COL9A1: variants seen among roughly 807,000 people sequenced by gnomAD.
COL9A1 encodes collagen type IX alpha 1 chain.
In COL9A1, 104 loss-of-function variants were observed where a neutral mutation model predicts 142.6. The ratio of observed to expected loss-of-function variants is 0.73; its 90% CI spans 0.62 to 0.86. The LOEUF is 0.86. COL9A1 is among the 40% of genes least tolerant of loss of function. COL9A1 has a pLI of 0.00. For synonymous variants in COL9A1, 466 were observed against 396.0 expected, an observed-to-expected ratio of 1.18 and a Z score of -2.10; for missense variants, 1,210 against 1,176.6, an observed-to-expected ratio of 1.03 and a Z score of -0.42.
chr6:70,287,271 A>AT (rs912606623), intron 5 of COL9A1, among the ~76,000 whole-genome samples: 2 of 151,160 alleles, frequency 1.3e-5, no homozygotes, highest in Non-Finnish European at 3.0e-5. Flanking sequence ...TAGACATCCG[A>AT]TTTTTTTTTC....
chr6:70,240,649 T>C, intron 32 of COL9A1, 40 bp downstream of exon 32: 1 of 1,505,338 alleles, frequency 6.6e-7, no homozygotes. Flanking sequence ...AGTTCAAAAT[T>C]GGTAAAGCTT....
intron 35 of COL9A1, 26 bp from the exon 36 acceptor site, chr6:70,232,797 C>A (rs755614368): frequency 5.7e-6 from 9 of 1,584,228 alleles, no homozygotes; most frequent in African/African-American, 2.7e-5. Flanking sequence ...CAAAACAACC[C>A]AGAAGTGTCA....
intron 37 of COL9A1, among the ~76,000 whole-genome samples, chr6:70,218,329 G>T (rs548062553): frequency 6.6e-6 from 1 of 152,186 alleles, no homozygotes; most frequent in Non-Finnish European, 1.5e-5. Flanking sequence ...TTCTCTGGGG[G>T]ACATTTCTTG....
intron 4 of COL9A1, 93 bp downstream of exon 4, chr6:70,299,950 C>T (rs1583355104): frequency 2.5e-6 from 3 of 1,224,410 alleles, no homozygotes; most frequent in East Asian, 4.8e-5. Flanking sequence ...ATCCAAGAAA[C>T]ATTGATCATA....
intron 9 of COL9A1, 46 bp from the exon 10 acceptor site, chr6:70,280,920 A>G (rs1335260994): frequency 6.2e-7 from 1 of 1,613,266 alleles, no homozygotes; most frequent in East Asian, 2.2e-5. Flanking sequence ...AAAAAGGTGC[A>G]AAGTTGAGAC....
intron 28 of COL9A1, among the ~76,000 whole-genome samples, chr6:70,245,292 C>G (rs984698741): frequency 6.6e-6 from 1 of 152,160 alleles, no homozygotes; most frequent in Non-Finnish European, 1.5e-5. Flanking sequence ...AAGATATAAA[C>G]AGTTATCTCT....
chr6:70,274,810 C>T (rs990973823), intron 10 of COL9A1, 38 bp from the exon 11 acceptor site: 3 of 1,531,314 alleles, frequency 2.0e-6, no homozygotes, highest in African/African-American at 1.4e-5. Flanking sequence ...ACTATCATAA[C>T]ATCCTTAGGC....
intron 6 of COL9A1, 49 bp from the exon 7 acceptor site, chr6:70,282,967 C>G: frequency 6.2e-7 from 1 of 1,614,150 alleles, no homozygotes; most frequent in Non-Finnish European, 8.5e-7. Flanking sequence ...CCCTCAAACT[C>G]GATCGCAACT....
At chr6:70,258,183 T>A (rs1018144387) in intron 20 of COL9A1, among the ~76,000 whole-genome samples, 1 of 152,196 alleles carries the variant, frequency 6.6e-6, no homozygotes, top group Non-Finnish European at 1.5e-5. Flanking sequence ...ACATATGCTA[T>A]CTGACAAAAT....
intron 10 of COL9A1, chr6:70,279,860 A>T (rs1773023565): frequency 2.1e-6 from 1 of 466,452 alleles, no homozygotes. Flanking sequence ...TAGGTTTTCG[A>T]GTGCTTTCTT....
chr6:70,223,257 A>G (rs1204230495), intron 37 of COL9A1, among the ~76,000 whole-genome samples: 1 of 152,230 alleles, frequency 6.6e-6, no homozygotes, highest in African/African-American at 2.4e-5. Context: ...TGATATATTA[A>G]TAATAGTATG....
At chr6:70,281,313 A>C (rs1241922296) in intron 8 of COL9A1, 77 bp downstream of exon 8, 337 of 1,304,826 alleles carry the variant, frequency 2.6e-4, no homozygotes, top group South Asian at 7.2e-4. Flanking sequence ...AAAAAAAAAA[A>C]CCCCACAGGA....
chr6:70,295,281 CTTTTTTT>C (rs1171549562), intron 4 of COL9A1, among the ~76,000 whole-genome samples: 8 of 63,130 alleles, frequency 1.3e-4, no homozygotes, highest in Non-Finnish European at 1.7e-4. Context: ...GTTGTTGCTT[CTTTTTTT>C]TTTTTTTTTT....
At chr6:70,283,345 C>T (rs1773296566) in intron 6 of COL9A1, 1 of 1,010,516 alleles carries the variant, frequency 9.9e-7, no homozygotes, top group Admixed American at 2.9e-5. Context: ...ACTGAGCACG[C>T]AGCTCTGCCT....
rs77148483 is a variant in COL9A1 at position 70,285,738 on chromosome 6, A to G, written c.697-1918T>C. Among the ~76,000 whole-genome samples the G allele has an allele frequency of 1.8e-3, 276 of 152,374 alleles. 4 individuals are homozygous for G. In the East Asian group the frequency reaches 0.048, roughly 26 times the overall value. On this transcript the variant is annotated intron_variant, in intron 5 of 37. Coordinates refer to ENST00000357250, the MANE Select transcript of COL9A1 (RefSeq NM_001851.6). ...TAAATAAGTTTGTTTTAAATCTACT[A>G]AACAGAATATAAAATGCCCTAGCAA...
At chr6:70,258,845 AC>A (rs1433411288) in intron 20 of COL9A1, among the ~76,000 whole-genome samples, 1 of 152,198 alleles carries the variant, frequency 6.6e-6, no homozygotes, top group African/African-American at 2.4e-5. Flanking sequence ...TCAAATGAAG[AC>A]CATATCAAGA....
intron 5 of COL9A1, among the ~76,000 whole-genome samples, chr6:70,292,659 A>G (rs1411190042): frequency 6.6e-6 from 1 of 152,202 alleles, no homozygotes; most frequent in Admixed American, 6.5e-5. Context: ...AGTATTTTTA[A>G]TCCAATGAAT....
At chr6:70,273,917 T>TTAA (rs1445446965) in intron 12 of COL9A1, 130 bp downstream of exon 12, 35 of 428,028 alleles carry the variant, frequency 8.2e-5, no homozygotes, top group African/African-American at 7.4e-4. Context: ...AAACTGCACA[T>TTAA]GTACCCTAAA....
At chr6:70,301,582 A>G (rs2127609189) in intron 2 of COL9A1, among the ~76,000 whole-genome samples, 1 of 152,274 alleles carries the variant, frequency 6.6e-6, no homozygotes, top group South Asian at 2.1e-4. Flanking sequence ...ATCTCAAAAA[A>G]ATAAAAATAT....
Sources: gnomAD v4.1 joint callset for allele counts (sites outside exome capture counted in the v4.1 genomes callset) on GRCh38, gnomAD v4.1.1 for gene constraint, MANE v1.5 for transcripts, NCBI Gene and HGNC (gene_info 2026-07-23, HGNC 2026-07-21) for gene names.